EYS: variants seen among roughly 807,000 people sequenced by gnomAD.
EYS encodes EGF-like photoreceptor maintenance factor, also known as protein eyes shut homolog.
Under a neutral mutation model 282.1 loss-of-function variants are expected in EYS, and 250 were observed. The ratio of observed to expected loss-of-function variants is 0.89; its 90% CI spans 0.80 to 0.98. The LOEUF (loss-of-function observed/expected upper bound fraction) is 0.98. Among genes scored for constraint, EYS ranks in the 50% least tolerant of loss-of-function variants. The probability of loss-of-function intolerance (pLI) is 0.00; values close to 1 mark genes in which losing one functional copy is unlikely to be tolerated. For missense variants in EYS, 4,016 were observed against 3,709.0 expected, an observed-to-expected ratio of 1.08 and a Z score of -2.15; for synonymous variants, 1,355 against 1,282.9, an observed-to-expected ratio of 1.06 and a Z score of -1.20.
intron 2 of EYS, among the ~76,000 whole-genome samples, chr6:65,538,845 T>C (rs1161900503): frequency 3.3e-5 from 5 of 152,154 alleles, no homozygotes; most frequent in Non-Finnish European, 7.4e-5. Context: ...CCCCCCTGCC[T>C]TCACTCACTG....
chr6:65,064,100 T>C (rs1773658861), intron 12 of EYS, among the ~76,000 whole-genome samples: 1 of 146,598 alleles, frequency 6.8e-6, no homozygotes, highest in Non-Finnish European at 1.5e-5. Flanking sequence ...TGCTACATAC[T>C]AATATACTAT....
intron 13 of EYS, among the ~76,000 whole-genome samples, chr6:65,005,854 G>C (rs566719107): frequency 2.1e-4 from 32 of 152,212 alleles, no homozygotes; most frequent in African/African-American, 6.8e-4. Context: ...TCGCCCATGC[G>C]TGCACCCCTA....
chr6:65,254,660 A>C (rs1478960037), intron 12 of EYS, among the ~76,000 whole-genome samples: 1 of 151,824 alleles, frequency 6.6e-6, no homozygotes, highest in Non-Finnish European at 1.5e-5. Flanking sequence ...TATTCTAAGG[A>C]GCTTCCCAAT....
intron 15 of EYS, among the ~76,000 whole-genome samples, chr6:64,924,481 C>T (rs946688758): frequency 6.6e-6 from 1 of 152,164 alleles, no homozygotes; most frequent in African/African-American, 2.4e-5. Context: ...CTCCTTGCTA[C>T]TTATGCAAAT....
At chr6:64,327,965 T>A (rs906462470) in intron 29 of EYS, among the ~76,000 whole-genome samples, 1 of 152,152 alleles carries the variant, frequency 6.6e-6, no homozygotes, top group Non-Finnish European at 1.5e-5. Flanking sequence ...GTCAGCCGCC[T>A]TAGGTCAGGC....
chr6:65,634,804 C>T (rs1282691718), intron 2 of EYS, among the ~76,000 whole-genome samples: 1 of 152,176 alleles, frequency 6.6e-6, no homozygotes, highest in Non-Finnish European at 1.5e-5. Flanking sequence ...AAGCTTAGTC[C>T]TTGTTATACA....
chr6:65,021,727 A>G (rs907792371), intron 13 of EYS, among the ~76,000 whole-genome samples: 2 of 152,202 alleles, frequency 1.3e-5, no homozygotes. Flanking sequence ...TAATAAAGAC[A>G]TAATTGAGAC....
intron 12 of EYS, among the ~76,000 whole-genome samples, chr6:65,158,705 G>A (rs145880143): frequency 1.4e-3 from 207 of 150,952 alleles, no homozygotes; most frequent in African/African-American, 4.7e-3. Context: ...CTAAATGAAA[G>A]TATTGTAATT....
intron 2 of EYS, among the ~76,000 whole-genome samples, chr6:65,528,318 C>G (rs1380024522): frequency 2.0e-5 from 3 of 152,146 alleles, no homozygotes; most frequent in Admixed American, 6.5e-5. Flanking sequence ...CAACTAGGTT[C>G]TAATGCTATT....
chr6:64,831,509 A>C (rs1170864049), intron 19 of EYS, among the ~76,000 whole-genome samples: 1 of 151,982 alleles, frequency 6.6e-6, no homozygotes, highest in Non-Finnish European at 1.5e-5. Context: ...GATGCTTTTA[A>C]AATTCATTAC....
rs143041219 is a variant in EYS at position 64,622,761 on chromosome 6, C to A, written c.3568+3360G>T. 4.5e-3 allele frequency among the ~76,000 whole-genome samples: 681 copies of A among 152,210 alleles called. 4 individuals are homozygous for A. Among genetic ancestry groups the A allele is most frequent in the African/African-American group, 0.015 (630 of 41,528 alleles). On this transcript the variant is annotated intron_variant, in intron 23 of 42. Transcript: ENST00000503581. The stretch of plus-strand genomic sequence containing the variant: ...TAGCCAATTTAAAGACAGAGGAATA[C>A]TTGTGTAGTTTTCTACCTGGAGCTG...
At chr6:63,806,150 AAGGAGCG>A in intron 37 of EYS, 33 bp downstream of exon 37, 4 of 1,498,022 alleles carry the variant, frequency 2.7e-6, no homozygotes, top group Non-Finnish European at 3.6e-6. Context: ...AGTATTCTTA[AAGGAGCG>A]AGGCAAGTCC....
At chr6:65,370,256 C>CTTTTT (rs35707502) in intron 8 of EYS, among the ~76,000 whole-genome samples, 1 of 127,150 alleles carries the variant, frequency 7.9e-6, no homozygotes, top group African/African-American at 3.0e-5. Flanking sequence ...CTTTCTCTCT[C>CTTTTT]TTTTTTTTTT....
intron 13 of EYS, among the ~76,000 whole-genome samples, chr6:65,053,648 G>C (rs914197809): frequency 6.6e-6 from 1 of 151,710 alleles, no homozygotes; most frequent in African/African-American, 2.4e-5. Context: ...TTCTATAGAG[G>C]ACCAGATAGT....
intron 2 of EYS, among the ~76,000 whole-genome samples, chr6:65,607,699 T>C (rs563359109): frequency 6.6e-6 from 1 of 152,044 alleles, no homozygotes; most frequent in South Asian, 2.1e-4. Flanking sequence ...TGCTTTAAAG[T>C]CCATTATCTC....
chr6:64,610,545 T>A (rs1767082523), intron 24 of EYS, among the ~76,000 whole-genome samples: 2 of 151,730 alleles, frequency 1.3e-5, no homozygotes, highest in East Asian at 1.9e-4. Context: ...TTGGGATTAC[T>A]GACAGCCACT....
At chr6:65,127,162 C>T (rs1264073497) in intron 12 of EYS, among the ~76,000 whole-genome samples, 1 of 152,006 alleles carries the variant, frequency 6.6e-6, no homozygotes, top group Non-Finnish European at 1.5e-5. Flanking sequence ...TAATTCCAAT[C>T]AACACAGTTG....
chr6:63,922,928 C>G (rs924612669), intron 35 of EYS, among the ~76,000 whole-genome samples: 1 of 152,124 alleles, frequency 6.6e-6, no homozygotes, highest in African/African-American at 2.4e-5. Flanking sequence ...CAAATACTGA[C>G]GTTGTGACTT....
At chr6:65,519,257 T>G (rs771236123) in intron 2 of EYS, among the ~76,000 whole-genome samples, 1 of 152,006 alleles carries the variant, frequency 6.6e-6, no homozygotes, top group Non-Finnish European at 1.5e-5. Flanking sequence ...TATTTGTACA[T>G]TCATTTCAAT....
Sources: allele counts gnomAD v4.1 joint callset (sites outside exome capture counted in the v4.1 genomes callset), GRCh38; gene constraint gnomAD v4.1.1; transcripts MANE v1.5; gene names NCBI Gene and HGNC (gene_info 2026-07-23, HGNC 2026-07-21).